PRAG1: variants seen among roughly 807,000 people sequenced by gnomAD.
PRAG1 encodes the protein inactive tyrosine-protein kinase PRAG1.
Under a neutral mutation model 95.6 loss-of-function variants are expected in PRAG1, and 110 were observed. That is an observed-to-expected ratio of 1.15 (90% CI 0.99 to 1.35). The LOEUF (loss-of-function observed/expected upper bound fraction) is 1.35, where lower values mean the gene tolerates loss of function less well. PRAG1 is among the 40% of genes most tolerant of loss of function. The pLI is 0.00. For synonymous variants in PRAG1, 1,052 were observed against 819.4 expected (o/e 1.28, Z -4.85); for missense variants, 2,554 against 1,864.7 (o/e 1.37, Z -6.81).
chr8:8,370,258 T>C (rs1314994446), intron 3 of PRAG1, among the ~76,000 whole-genome samples: 2 of 152,214 alleles, frequency 1.3e-5, no homozygotes, highest in Admixed American at 6.5e-5. Context: ...CCCACACTTA[T>C]GGAAACAGGC....
intron 1 of PRAG1, among the ~76,000 whole-genome samples, chr8:8,384,297 G>C (rs915263148): frequency 3.9e-5 from 6 of 151,930 alleles, no homozygotes; most frequent in African/African-American, 9.7e-5. Context: ...CCCAACCTTT[G>C]CACAGCCCTG....
chr8:8,364,372 G>GTT (rs1799939900), intron 3 of PRAG1, among the ~76,000 whole-genome samples: 1 of 151,986 alleles, frequency 6.6e-6, no homozygotes, highest in Admixed American at 6.6e-5. Context: ...TCCACATATT[G>GTT]TTCTGCTTGA....
At position 8,318,142 on chromosome 8, in the gene PRAG1, C is replaced by G; in HGVS notation, c.*12G>C. On this transcript the variant is annotated 3_prime_UTR_variant, in exon 6 of 6. Transcript: ENST00000615670. This position sits in a 1 kb window ranked among gnomAD's most constrained non-coding sequence, Gnocchi z 4.2. ...AGGGAAGGGGCAGCGACGGTGCAGG[C>G]TGGGGCTTGGCTCACAGAAGCTGCA... The G allele has an allele frequency of 1.9e-6, 3 of 1,605,958 alleles. No homozygotes were observed. Among genetic ancestry groups the G allele is most frequent in the East Asian group, 4.5e-5 (2 of 44,846 alleles).
At chr8:8,344,111 A>G (rs1163083332) in intron 3 of PRAG1, among the ~76,000 whole-genome samples, 1 of 152,160 alleles carries the variant, frequency 6.6e-6, no homozygotes, top group Admixed American at 6.5e-5. Flanking sequence ...AATTCTGACT[A>G]ACCACATTTT....
chr8:8,331,665 T>C (rs1341544864), intron 4 of PRAG1, among the ~76,000 whole-genome samples: 1 of 152,200 alleles, frequency 6.6e-6, no homozygotes, highest in African/African-American at 2.4e-5. Context: ...TCGGTAACAC[T>C]TCTAATTCCC....
At chr8:8,374,763 C>T in intron 3 of PRAG1, 1 of 942,934 alleles carries the variant, frequency 1.1e-6, no homozygotes, top group Non-Finnish European at 1.3e-6. Flanking sequence ...CAGTGCAATA[C>T]CAGAACAAAG....
chr8:8,364,230 T>C (rs910232047), intron 3 of PRAG1, among the ~76,000 whole-genome samples: 1 of 152,254 alleles, frequency 6.6e-6, no homozygotes, highest in Non-Finnish European at 1.5e-5. Context: ...ATGGACATAA[T>C]GTGCTATTTT....
chr8:8,334,857 C>A (rs10095216), intron 4 of PRAG1, among the ~76,000 whole-genome samples: 3,517 of 151,842 alleles, frequency 0.023, 127 homozygotes, highest in African/African-American at 0.08. Context: ...CTGAGGTGAG[C>A]GGATCACTTG....
intron 3 of PRAG1, among the ~76,000 whole-genome samples, chr8:8,347,401 G>A (rs1799380816): frequency 6.6e-6 from 1 of 152,216 alleles, no homozygotes; most frequent in South Asian, 2.1e-4. Context: ...GGAAAACAGA[G>A]ACGGCTCTGC....
rs1585211445 is a variant in PRAG1, at chr8:8,318,858, C to T, written c.3517G>A (p.Ala1173Thr). 1 of 580,060 alleles carries T rather than the reference C, an allele frequency of 1.7e-6. No homozygotes were observed. Among genetic ancestry groups the T allele is most frequent in the Non-Finnish European group, 2.1e-6 (1 of 467,668 alleles). The allele number at this position is 580,060 out of a possible 1,614,324, so 35.9% of individuals were successfully genotyped here. ...CAGGGAGGCGCGGCGGCGGCGGGGGCGGGAGCCGGGGCGGGGGCGGGGGCG... is the reference window on the plus strand; with the variant it reads ...CAGGGAGGCGCGGCGGCGGCGGGGGTGGGAGCCGGGGCGGGGGCGGGGGCG... Reference protein sequence around the residue: ...GPAPAPAPAPAPAAAAPPCSS... With the variant: ...GPAPAPAPAPTPAAAAPPCSS... Residue 1173 changes from alanine (A) to threonine (T), a missense_variant, in exon 6 of 6, where the codon GCC becomes ACC. Transcript: ENST00000615670. The surrounding 1 kb of genome is among the most constrained non-coding windows in gnomAD (Gnocchi z 4.2).
In PRAG1 at chr8:8,317,775, CTT is replaced by C. The variant is rs889064431; in HGVS notation, c.*377_*378del. 2.7e-5 allele frequency: 4 copies of C among 149,144 alleles called. No individual in the cohort carries two copies. The highest frequency in any genetic ancestry group is 5.9e-5 in the Non-Finnish European group (4 of 68,118). The allele number at this position is 149,144 out of a possible 1,614,324, so 9.2% of individuals were successfully genotyped here. ...AAAAAAATTTTAATGGAATTTTCTT[CTT>C]TTTTTTTTTTCTTTAAATAACAATT... is the stretch of plus-strand genomic sequence containing the variant. On this transcript the variant is annotated 3_prime_UTR_variant, in exon 6 of 6. Transcript: ENST00000615670.
intron 4 of PRAG1, among the ~76,000 whole-genome samples, chr8:8,331,028 G>A (rs2979213): frequency 0.22 from 32,917 of 152,056 alleles, 4,030 homozygotes; most frequent in African/African-American, 0.33. Context: ...CGTCACCAGC[G>A]AGGCGTCTGA....
At chr8:8,331,454 T>C (rs1346873109) in intron 4 of PRAG1, among the ~76,000 whole-genome samples, 17 of 152,284 alleles carry the variant, frequency 1.1e-4, no homozygotes, top group Non-Finnish European at 1.0e-4. Context: ...GCAGCACTAA[T>C]AGTCTATAAT....
intron 3 of PRAG1, among the ~76,000 whole-genome samples, chr8:8,352,890 T>C (rs947781065): frequency 6.6e-6 from 1 of 152,034 alleles, no homozygotes; most frequent in Non-Finnish European, 1.5e-5. Context: ...TCCATGCAAA[T>C]AATAACCAAA....
chr8:8,328,286 G>A lies in PRAG1; in HGVS notation c.2496C>T (p.Phe832=). 1.2e-6 allele frequency: 2 copies of A among 1,614,082 alleles called. No homozygotes were observed. Among genetic ancestry groups the A allele is most frequent in the South Asian group, 2.2e-5 (2 of 91,080 alleles). Residue 832 remains phenylalanine, a synonymous_variant, in exon 5 of 6, where the codon TTC becomes TTT. Transcript: ENST00000615670. ...CGGGCTTGGGGGAGCCTTGGGTCCAGAAGAAGCCATCCGGTGAAGAGGCTG... is the reference window on the plus strand; with the variant it reads ...CGGGCTTGGGGGAGCCTTGGGTCCAAAAGAAGCCATCCGGTGAAGAGGCTG... The part of the protein sequence containing the change: ...SRAASSPDGF[F]WTQGSPKPGT...
chr8:8,371,424 C>G (rs956374526), intron 3 of PRAG1, among the ~76,000 whole-genome samples: 1 of 151,888 alleles, frequency 6.6e-6, no homozygotes, highest in African/African-American at 2.4e-5. Context: ...TCACGCCTGG[C>G]TAATTTTTTG....
chr8:8,384,563 C>G (rs1800788135), intron 1 of PRAG1, among the ~76,000 whole-genome samples: 1 of 130,814 alleles, frequency 7.6e-6, no homozygotes, highest in East Asian at 2.4e-4. Context: ...CCTGTTAAAA[C>G]TGGTTTCTCA....
Position 8,318,457 on chromosome 8 carries a change from C to A in PRAG1, c.3918G>T (p.Leu1306=), listed in dbSNP as rs1282689581. Residue 1306 remains leucine (L), a synonymous_variant, in exon 6 of 6, where the codon CTG becomes CTT. Coordinates refer to ENST00000615670, the MANE Select transcript of PRAG1 (RefSeq NM_001080826.3). The surrounding 1 kb of genome is among the most constrained non-coding windows in gnomAD (Gnocchi z 4.2). ...GCTTGATGGGGTCGGCCTCCAGTAG[C>A]AGATGTGCCAGCTGCTGCAGGCCGG... ...YSPGLQQLAH[L]LLEADPIKRI... is the part of the protein sequence containing the mutation. 6.2e-7 allele frequency: 1 copy of A among 1,612,242 alleles called. No individual in the cohort carries two copies. The highest frequency in any genetic ancestry group is 8.5e-7 in the Non-Finnish European group (1 of 1,179,808).
At chr8:8,335,057 C>G (rs1239134239) in intron 4 of PRAG1, among the ~76,000 whole-genome samples, 2 of 151,480 alleles carry the variant, frequency 1.3e-5, no homozygotes, top group African/African-American at 4.9e-5. Flanking sequence ...CAGAGCAAGA[C>G]TCTGTCTCGA....
Sources: gnomAD v4.1 joint callset for allele counts (sites outside exome capture counted in the v4.1 genomes callset) on GRCh38, gnomAD v4.1.1 for gene constraint, Gnocchi (gnomAD v3.1) non-coding constraint, MANE v1.5 for transcripts, NCBI Gene and HGNC (gene_info 2026-07-23, HGNC 2026-07-21) for gene names.